FAM120A: variants seen among roughly 807,000 people sequenced by gnomAD.
The protein encoded by FAM120A is constitutive coactivator of PPAR-gamma-like protein 1.
FAM120A carries 15 observed loss-of-function variants against 109.7 expected under a neutral mutation model. The ratio of observed to expected loss-of-function variants is 0.14; its 90% CI spans 0.09 to 0.21. The LOEUF (loss-of-function observed/expected upper bound fraction) is 0.21. Among genes scored for constraint, FAM120A ranks in the 10% least tolerant of loss-of-function variants. FAM120A has a pLI of 1.00. For missense variants in FAM120A, 899 were observed against 1,439.3 expected, an observed-to-expected ratio of 0.62 and a Z score of 6.07; for synonymous variants, 493 against 572.8, an observed-to-expected ratio of 0.86 and a Z score of 1.99.
At chr9:93,473,511 A>G (rs1040069185) in intron 2 of FAM120A, among the ~76,000 whole-genome samples, 1 of 152,078 alleles carries the variant, frequency 6.6e-6, no homozygotes, top group Non-Finnish European at 1.5e-5. Context: ...GGGTTTCATC[A>G]TGTTGGCCAG....
At chr9:93,501,081 A>C (rs1193371135) in intron 5 of FAM120A, among the ~76,000 whole-genome samples, 2 of 152,170 alleles carry the variant, frequency 1.3e-5, no homozygotes, top group Non-Finnish European at 2.9e-5. Flanking sequence ...ATGATTGGGC[A>C]TTGGAATGAG....
intron 10 of FAM120A, 46 bp from the exon 11 acceptor site, chr9:93,543,176 G>A: frequency 6.3e-7 from 1 of 1,594,528 alleles, no homozygotes. Flanking sequence ...CTGAAAGCAG[G>A]TGAATGATGC....
intron 5 of FAM120A, among the ~76,000 whole-genome samples, chr9:93,502,384 G>C (rs898255343): frequency 1.3e-5 from 2 of 152,050 alleles, no homozygotes; most frequent in Non-Finnish European, 2.9e-5. Context: ...TGGGCCTTAG[G>C]AATTTATATT....
chr9:93,496,530 C>T (rs866763780), intron 3 of FAM120A, among the ~76,000 whole-genome samples: 6 of 152,324 alleles, frequency 3.9e-5, no homozygotes, highest in Non-Finnish European at 5.9e-5. Flanking sequence ...TGCAGGCTCT[C>T]GGGAGGATCC....
intron 1 of FAM120A, among the ~76,000 whole-genome samples, chr9:93,462,013 G>A (rs971629786): frequency 1.3e-5 from 2 of 152,008 alleles, no homozygotes; most frequent in Non-Finnish European, 2.9e-5. Flanking sequence ...AAGAGATTGC[G>A]AAAGCCAAAA....
At chr9:93,491,603 A>G (rs746468341) in intron 3 of FAM120A, among the ~76,000 whole-genome samples, 9 of 152,210 alleles carry the variant, frequency 5.9e-5, no homozygotes, top group African/African-American at 1.2e-4. Context: ...GGTAGGTTGA[A>G]TCTTTCAAAG....
chr9:93,546,853 C>G (rs1861910991), intron 11 of FAM120A, among the ~76,000 whole-genome samples: 1 of 152,302 alleles, frequency 6.6e-6, no homozygotes, highest in Non-Finnish European at 1.5e-5. Flanking sequence ...ACACATGTTT[C>G]TTCACCATTA....
intron 5 of FAM120A, among the ~76,000 whole-genome samples, chr9:93,510,328 G>A (rs987058006): frequency 5.9e-5 from 9 of 152,178 alleles, no homozygotes; most frequent in South Asian, 2.1e-4. Context: ...CGAATGTTTT[G>A]GAAGAACCTA....
At chr9:93,509,190 C>T (rs1441132126) in intron 5 of FAM120A, among the ~76,000 whole-genome samples, 1 of 152,256 alleles carries the variant, frequency 6.6e-6, no homozygotes. Flanking sequence ...CACATGGTGG[C>T]CCACACTGCC....
At chr9:93,534,997 C>G (rs1369277681) in intron 10 of FAM120A, among the ~76,000 whole-genome samples, 1 of 152,058 alleles carries the variant, frequency 6.6e-6, no homozygotes, top group East Asian at 1.9e-4. Flanking sequence ...ACTTCTTTGC[C>G]AATGGTAGTT....
intron 12 of FAM120A, among the ~76,000 whole-genome samples, chr9:93,554,397 C>T (rs757448063): frequency 1.3e-5 from 2 of 152,130 alleles, no homozygotes; most frequent in Non-Finnish European, 2.9e-5. Context: ...GGGCTGGATG[C>T]GGTGGCTCAT....
At chr9:93,469,971 G>GT (rs1050432274) in intron 1 of FAM120A, among the ~76,000 whole-genome samples, 2 of 152,180 alleles carry the variant, frequency 1.3e-5, no homozygotes, top group African/African-American at 4.8e-5. Context: ...AGAATGTTCT[G>GT]TGCTGTCCAA....
chr9:93,541,883 T>C (rs1332920408), intron 10 of FAM120A, among the ~76,000 whole-genome samples: 1 of 152,184 alleles, frequency 6.6e-6, no homozygotes, highest in Non-Finnish European at 1.5e-5. Flanking sequence ...GCATTTTTTT[T>C]CTGTTGCTGA....
intron 2 of FAM120A, among the ~76,000 whole-genome samples, chr9:93,473,022 A>T (rs1858379570): frequency 6.8e-6 from 1 of 146,492 alleles, no homozygotes; most frequent in African/African-American, 2.5e-5. Context: ...TCTTTGGACA[A>T]TTTTTTTTTT....
rs191651007 is a variant in FAM120A at position 93,525,090 on chromosome 9, T to C, written c.1419-2065T>C. On this transcript the variant is annotated intron_variant, in intron 7 of 17. Transcript: ENST00000277165. ...ATATATTTGTCCTATTGAAATATAT[T>C]GGCCTTCTCAAAAACTGTTTCTTGT... Among the ~76,000 whole-genome samples, 17 of 152,346 alleles carry C rather than the reference T, an allele frequency of 1.1e-4. No homozygotes were observed. The East Asian group carries it at 2.9e-3, about 26-fold the overall frequency.
At position 93,549,378 on chromosome 9, in the gene FAM120A, T is replaced by C. The variant is rs149087038; in HGVS notation, c.2160-1199T>C. On this transcript the variant is annotated intron_variant, in intron 11 of 17. Coordinates refer to ENST00000277165, the MANE Select transcript of FAM120A (RefSeq NM_014612.5). ...TATTGTTCCTGTCTCAGAATTTCTA[T>C]AACAGTAGATGAGTTAAAGTGTGTA... Among the ~76,000 whole-genome samples the C allele has an allele frequency of 2.8e-3, 429 of 152,348 alleles. 3 individuals are homozygous for C. The highest frequency in any genetic ancestry group is 0.01 in the African/African-American group (419 of 41,574).
In FAM120A at chr9:93,550,828, T is replaced by C; in HGVS notation, c.2274+137T>C. ...GTCCACTAAACTAATAATACTAATA[T>C]GATAAGAACTTGATCAATCGCCTTC... is the stretch of plus-strand genomic sequence containing the variant. On this transcript the variant is annotated intron_variant, in intron 12 of 17. Transcript: ENST00000277165. The C allele has an allele frequency of 3.3e-6, 2 of 606,356 alleles. 1 individual carries two copies. The highest frequency in any genetic ancestry group is 4.1e-5 in the South Asian group (2 of 48,464). 37.6% of individuals were successfully genotyped at this position (606,356 alleles called of 1,614,324 possible).
chr9:93,463,111 G>A, intron 1 of FAM120A, among the ~76,000 whole-genome samples: 1 of 152,132 alleles, frequency 6.6e-6, no homozygotes, highest in East Asian at 1.9e-4. Flanking sequence ...AAGAGGCCAC[G>A]CTGTTTTACA....
rs748224233 is a variant in FAM120A, at chr9:93,558,583, G to A, written c.2671G>A (p.Val891Ile). ...SQGRGRGFAGVCGFGGPYGET... is the reference protein window; with the variant it reads ...SQGRGRGFAGICGFGGPYGET... ...TCTCTCTACCCCGGGTCCCACAGGCGTCTGTGGCTTTGGAGGCCCCTATGG... is the reference window on the plus strand; with the variant it reads ...TCTCTCTACCCCGGGTCCCACAGGCATCTGTGGCTTTGGAGGCCCCTATGG... Residue 891 changes from valine (V) to isoleucine (I), a missense_variant and splice_region_variant, in exon 15 of 18, where the codon GTC becomes ATC. Coordinates refer to ENST00000277165, the MANE Select transcript of FAM120A (RefSeq NM_014612.5). The A allele has an allele frequency of 2.1e-5, 34 of 1,614,138 alleles. No individual in the cohort carries two copies. The highest frequency in any genetic ancestry group is 6.7e-5 in the Admixed American group (4 of 60,032).
Sources: allele counts gnomAD v4.1 joint callset (sites outside exome capture counted in the v4.1 genomes callset), GRCh38; gene constraint gnomAD v4.1.1; transcripts MANE v1.5; gene names NCBI Gene and HGNC (gene_info 2026-07-23, HGNC 2026-07-21).